Variants in SH3PXD2A observed in about 807,000 individuals in gnomAD.
SH3PXD2A encodes the protein SH3 and PX domain-containing protein 2A.
A neutral mutation model predicts 115.2 loss-of-function variants in SH3PXD2A; 32 were observed. The observed-to-expected ratio is 0.28, with a 90% confidence interval of 0.21 to 0.37. SH3PXD2A has a LOEUF of 0.37. Ranked by LOEUF, SH3PXD2A falls within the 10% of genes least tolerant of loss-of-function variation. The pLI, the probability that SH3PXD2A is intolerant of heterozygous loss-of-function variation, is 1.00. For missense variants in SH3PXD2A, 1,328 were observed against 1,498.7 expected (o/e 0.89, Z 1.88); for synonymous variants, 610 against 629.1 (o/e 0.97, Z 0.45).
At chr10:103,696,309 G>A (rs2037823563) in intron 5 of SH3PXD2A, among the ~76,000 whole-genome samples, 1 of 152,146 alleles carries the variant, frequency 6.6e-6, no homozygotes, top group Admixed American at 6.6e-5. Context: ...TGCTGAATAG[G>A]GTGATAAGCA....
intron 5 of SH3PXD2A, among the ~76,000 whole-genome samples, chr10:103,710,933 G>A (rs1181905779): frequency 2.0e-5 from 3 of 152,222 alleles, no homozygotes; most frequent in Non-Finnish European, 4.4e-5. Context: ...TTACTCGGGA[G>A]GCTGAGGCAG....
chr10:103,767,399 T>C (rs534260529), intron 2 of SH3PXD2A, among the ~76,000 whole-genome samples: 1 of 152,126 alleles, frequency 6.6e-6, no homozygotes, highest in African/African-American at 2.4e-5. Flanking sequence ...AGTGAGCGGG[T>C]AGGAGTGCAG....
intron 5 of SH3PXD2A, among the ~76,000 whole-genome samples, chr10:103,698,537 A>G (rs905256552): frequency 6.6e-6 from 1 of 152,240 alleles, no homozygotes; most frequent in Non-Finnish European, 1.5e-5. Context: ...AGAGCCCAGC[A>G]GTCACTGGGG....
intron 1 of SH3PXD2A, among the ~76,000 whole-genome samples, chr10:103,823,975 G>A (rs370116776): frequency 2.6e-5 from 4 of 152,206 alleles, no homozygotes; most frequent in Admixed American, 2.0e-4. Flanking sequence ...TGCCTCACTC[G>A]AGAGTGTCCC....
intron 1 of SH3PXD2A, among the ~76,000 whole-genome samples, chr10:103,837,192 A>G (rs2134312428): frequency 1.3e-5 from 2 of 152,210 alleles, no homozygotes; most frequent in Non-Finnish European, 2.9e-5. Context: ...TTGCCCTCTT[A>G]TTATCAAGAA....
chr10:103,717,494 A>T (rs2038119168), intron 5 of SH3PXD2A, among the ~76,000 whole-genome samples: 1 of 152,182 alleles, frequency 6.6e-6, no homozygotes, highest in Non-Finnish European at 1.5e-5. Context: ...ACCATGGGGC[A>T]GAGCATGGAG....
At chr10:103,770,220 T>A (rs181399807) in intron 2 of SH3PXD2A, among the ~76,000 whole-genome samples, 2 of 152,344 alleles carry the variant, frequency 1.3e-5, no homozygotes, top group African/African-American at 4.8e-5. Flanking sequence ...ATGTTCTTTT[T>A]TCTTAAGAGA....
intron 8 of SH3PXD2A, among the ~76,000 whole-genome samples, chr10:103,660,691 G>A (rs1212033488): frequency 6.6e-6 from 1 of 152,232 alleles, no homozygotes; most frequent in Non-Finnish European, 1.5e-5. Flanking sequence ...GGCCTCCGAG[G>A]GCACGGGGAC....
chr10:103,611,581 C>G lies in SH3PXD2A; in HGVS notation c.1308G>C (p.Leu436=), dbSNP rs2133928880. ...GGGAGAAGAAATTCAGTACACATACCAGGCTGGATTCTCTGCGTGGTGGAG... is the reference window on the plus strand; with the variant it reads ...GGGAGAAGAAATTCAGTACACATACGAGGCTGGATTCTCTGCGTGGTGGAG... ...TRPPPRRESS[L]GFQLPKPPEP... is the part of the protein sequence containing the mutation. The change falls in exon 13 of 15, where the codon CTG becomes CTC. Residue 436 remains leucine, a splice_region_variant and synonymous_variant. Coordinates refer to ENST00000369774, the MANE Select transcript of SH3PXD2A (RefSeq NM_001394015.1). 1 of 1,613,870 alleles carries G rather than the reference C, an allele frequency of 6.2e-7. No individual in the cohort carries two copies. Among genetic ancestry groups the G allele is most frequent in the East Asian group, 2.2e-5 (1 of 44,882 alleles).
In SH3PXD2A at chr10:103,607,064, G is replaced by T. The variant is rs376056864; in HGVS notation, c.1309-1147C>A. ...TAGGAAGTGAGGAGCGCCTCTTCCC[G>T]GCCGCCATCCCATCTAGGAAGTGAG... is the stretch of plus-strand genomic sequence containing the variant. On this transcript the variant is annotated intron_variant, in intron 13 of 14. Transcript: ENST00000369774. Among the ~76,000 whole-genome samples the T allele has an allele frequency of 7.3e-5, 11 of 150,732 alleles. No individual in the cohort carries two copies. In the East Asian group the frequency reaches 2.2e-3, roughly 30 times the overall value.
At chr10:103,811,468 T>C (rs529477830) in intron 1 of SH3PXD2A, among the ~76,000 whole-genome samples, 1 of 152,386 alleles carries the variant, frequency 6.6e-6, no homozygotes, top group African/African-American at 2.4e-5. Context: ...AGTGTTGTTA[T>C]CGTCTCCAGT....
At chr10:103,640,301 C>T (rs977650461) in intron 8 of SH3PXD2A, among the ~76,000 whole-genome samples, 3 of 148,536 alleles carry the variant, frequency 2.0e-5, no homozygotes, top group Admixed American at 6.7e-5. Flanking sequence ...GGTGACAGAG[C>T]GTGACTCCAT....
At position 103,627,665 on chromosome 10, in the gene SH3PXD2A, C is replaced by T. The variant is rs1412798653; in HGVS notation, c.605-463G>A. 5.9e-5 allele frequency among the ~76,000 whole-genome samples: 9 copies of T among 152,334 alleles called. No individual in the cohort carries two copies. Among genetic ancestry groups the T allele is most frequent in the Middle Eastern group, 6.8e-3 (2 of 292 alleles). ...CGGTCAACGGTTGCCTTTTCCCCAT[C>T]GCGGGTCAGCGGTACCTTCGCATTG... On this transcript the variant is annotated intron_variant, in intron 8 of 14. Transcript: ENST00000369774. The surrounding 1 kb of genome is among the most constrained non-coding windows in gnomAD (Gnocchi z 4.4).
At chr10:103,769,179 TGTGCGC>T (rs1293365205) in intron 2 of SH3PXD2A, among the ~76,000 whole-genome samples, 6 of 116,000 alleles carry the variant, frequency 5.2e-5, no homozygotes, top group African/African-American at 1.8e-4. Flanking sequence ...TGTGTGTGTG[TGTGCGC>T]GCGCGCGCGC....
At chr10:103,710,823 T>C (rs1169101617) in intron 5 of SH3PXD2A, among the ~76,000 whole-genome samples, 2 of 151,766 alleles carry the variant, frequency 1.3e-5, no homozygotes, top group African/African-American at 2.4e-5. Flanking sequence ...ATGGCTTGAG[T>C]CCAGGAGTTC....
chr10:103,742,561 C>T lies in SH3PXD2A; in HGVS notation c.230-6753G>A, dbSNP rs538052051. Among the ~76,000 whole-genome samples, 29 of 152,290 alleles carry T rather than the reference C, an allele frequency of 1.9e-4. No homozygotes were observed. In the East Asian group the frequency reaches 2.9e-3, roughly 15 times the overall value. On this transcript the variant is annotated intron_variant, in intron 3 of 14. Coordinates refer to ENST00000369774, the MANE Select transcript of SH3PXD2A (RefSeq NM_001394015.1). ...TTTTGGGAGCCATTATTCAACCTAC[C>T]GCAGGGTAGTTATGGGAGAGTCACA...
At chr10:103,824,107 C>G (rs2039406947) in intron 1 of SH3PXD2A, among the ~76,000 whole-genome samples, 1 of 152,156 alleles carries the variant, frequency 6.6e-6, no homozygotes, top group Non-Finnish European at 1.5e-5. Context: ...ACCTGGCACT[C>G]CCCTGGGAAA....
chr10:103,609,828 G>C (rs2036397857), intron 13 of SH3PXD2A: 1 of 152,196 alleles, frequency 6.6e-6, no homozygotes, highest in Non-Finnish European at 1.5e-5. Flanking sequence ...TGGTGTAGCA[G>C]GAAGACCTGG....
At chr10:103,617,588 C>T (rs773124156) in intron 10 of SH3PXD2A, among the ~76,000 whole-genome samples, 9 of 152,356 alleles carry the variant, frequency 5.9e-5, no homozygotes, top group Middle Eastern at 3.4e-3. Context: ...GGAGTCGGCT[C>T]TCCCAGCCTG....
Sources: allele counts gnomAD v4.1 joint callset (sites outside exome capture counted in the v4.1 genomes callset), GRCh38; gene constraint gnomAD v4.1.1; non-coding constraint Gnocchi (gnomAD v3.1); transcripts MANE v1.5; gene names NCBI Gene and HGNC (gene_info 2026-07-23, HGNC 2026-07-21).